Variants in PCDH17 observed in about 807,000 individuals in gnomAD.
PCDH17 encodes the protein protocadherin 17, also known as protocadherin-17.
In PCDH17, 21 loss-of-function variants were observed where a neutral mutation model predicts 67.7. The observed-to-expected ratio is 0.31, with a 90% CI of 0.22 to 0.45. The LOEUF (loss-of-function observed/expected upper bound fraction) is 0.45, where lower values mean the gene tolerates loss of function less well. Ranked by LOEUF, PCDH17 falls within the 20% of genes least tolerant of loss-of-function variation. The probability of loss-of-function intolerance (pLI) is 1.00; values close to 1 mark genes in which losing one functional copy is unlikely to be tolerated. For missense variants in PCDH17, 1,471 were observed against 1,564.8 expected (o/e 0.94, Z 1.01); for synonymous variants, 701 against 656.7 (o/e 1.07, Z -1.03).
At chr13:57,674,517 G>C (rs1469364463) in intron 3 of PCDH17, among the ~76,000 whole-genome samples, 1 of 151,786 alleles carries the variant, frequency 6.6e-6, no homozygotes, top group East Asian at 2.0e-4. Context: ...TATAGGTATG[G>C]GGTCTTGTTT....
At chr13:57,646,613 G>A (rs1259471558) in intron 1 of PCDH17, among the ~76,000 whole-genome samples, 2 of 151,634 alleles carry the variant, frequency 1.3e-5, no homozygotes, top group Non-Finnish European at 3.0e-5. Flanking sequence ...CCATTAGTCA[G>A]AGTAGCTGAA....
At chr13:57,701,063 G>A (rs569044852) in intron 3 of PCDH17, among the ~76,000 whole-genome samples, 1 of 152,050 alleles carries the variant, frequency 6.6e-6, no homozygotes, top group East Asian at 1.9e-4. Context: ...CATTTTTTGA[G>A]TATCAATAAG....
At chr13:57,719,033 C>T (rs1249862746) in intron 3 of PCDH17, among the ~76,000 whole-genome samples, 1 of 151,938 alleles carries the variant, frequency 6.6e-6, no homozygotes, top group Non-Finnish European at 1.5e-5. Context: ...ATCTACAGAA[C>T]ACTTGTGCAG....
chr13:57,714,924 A>C (rs148623388), intron 3 of PCDH17, among the ~76,000 whole-genome samples: 3 of 151,760 alleles, frequency 2.0e-5, no homozygotes, highest in African/African-American at 7.2e-5. Context: ...AGTTTTCAGG[A>C]TACTCACTGT....
intron 3 of PCDH17, among the ~76,000 whole-genome samples, chr13:57,717,553 C>T (rs1447722058): frequency 6.6e-6 from 1 of 151,940 alleles, no homozygotes; most frequent in Non-Finnish European, 1.5e-5. Context: ...CTCCAAACAG[C>T]TCCAAATACC....
chr13:57,703,403 A>T (rs1955687359), intron 3 of PCDH17, among the ~76,000 whole-genome samples: 1 of 152,126 alleles, frequency 6.6e-6, no homozygotes, highest in African/African-American at 2.4e-5. Context: ...AAATCTAGGG[A>T]TGCAAGAAAG....
intron 3 of PCDH17, among the ~76,000 whole-genome samples, chr13:57,710,011 T>A (rs1263296639): frequency 6.6e-6 from 1 of 151,962 alleles, no homozygotes. Flanking sequence ...TTGTTATTCT[T>A]AAGTGAGTTT....
intron 3 of PCDH17, among the ~76,000 whole-genome samples, chr13:57,704,611 TGGGCA>T (rs1955701106): frequency 6.6e-6 from 1 of 150,438 alleles, no homozygotes; most frequent in African/African-American, 2.4e-5. Context: ...ACCTAAGATG[TGGGCA>T]CAGTAATTGG....
intron 1 of PCDH17, among the ~76,000 whole-genome samples, chr13:57,640,366 T>C (rs1163992755): frequency 6.6e-6 from 1 of 152,056 alleles, no homozygotes; most frequent in Admixed American, 6.6e-5. Flanking sequence ...ATACAAATAA[T>C]TTTTTGGTAA....
chr13:57,719,489 GA>G (rs1199736033), intron 3 of PCDH17, among the ~76,000 whole-genome samples: 1 of 151,978 alleles, frequency 6.6e-6, no homozygotes, highest in African/African-American at 2.4e-5. Context: ...ATGCAGATAG[GA>G]AACTCCTGTG....
In PCDH17 at chr13:57,633,749, G is replaced by A. The variant is rs45500496; in HGVS notation, c.1203G>A (p.Gly401=). ...VLGGGGTGGG[G]GLGGPGGSVP... is the part of the protein sequence containing the mutation. The stretch of plus-strand genomic sequence containing the variant: ...GCGGAGGAGGGACGGGCGGCGGCGG[G>A]GGCCTGGGCGGGCCCGGGGGTTCCG... Residue 401 remains glycine, a synonymous_variant, in exon 1 of 4, where the codon GGG becomes GGA. Transcript: ENST00000377918. This position sits in a 1 kb window ranked among gnomAD's most constrained non-coding sequence, Gnocchi z 6.2. The A allele has an allele frequency of 2.2e-5, 35 of 1,587,250 alleles. No homozygotes were observed. The Admixed American group carries it at 4.5e-4, about 20-fold the overall frequency.
intron 3 of PCDH17, among the ~76,000 whole-genome samples, chr13:57,717,626 C>A (rs1464944920): frequency 6.6e-6 from 1 of 151,952 alleles, no homozygotes; most frequent in Non-Finnish European, 1.5e-5. Flanking sequence ...CTGAATGCAG[C>A]CGTGGCAATA....
intron 3 of PCDH17, among the ~76,000 whole-genome samples, chr13:57,713,454 G>A (rs1014372101): frequency 2.0e-5 from 3 of 151,480 alleles, no homozygotes; most frequent in Non-Finnish European, 3.0e-5. Flanking sequence ...ATTTGAAATG[G>A]CAGTTATCAT....
Position 57,634,622 on chromosome 13 carries a change from A to G in PCDH17, c.2076A>G (p.Val692=). ...TGAGCGGATCCCTTCCCGAGGGGGT[A>G]CCACGGGTGAATGGCGAGCAGCACC... ...RSVSGSLPEG[V]PRVNGEQHHW... The change falls in exon 1 of 4, where the codon GTA becomes GTG. Residue 692 remains valine (V), a synonymous_variant. Transcript: ENST00000377918. The surrounding 1 kb of genome is among the most constrained non-coding windows in gnomAD (Gnocchi z 7.8). 2 of 1,613,414 alleles carry G rather than the reference A, an allele frequency of 1.2e-6. No homozygotes were observed. The highest frequency in any genetic ancestry group is 1.3e-5 in the African/African-American group (1 of 74,996).
chr13:57,669,040 T>C (rs1449138225), intron 3 of PCDH17, among the ~76,000 whole-genome samples: 2 of 151,988 alleles, frequency 1.3e-5, no homozygotes, highest in African/African-American at 4.8e-5. Context: ...CCTTCCTGTG[T>C]CCCAGTGTTC....
chr13:57,706,555 A>T (rs1955723454), intron 3 of PCDH17, among the ~76,000 whole-genome samples: 1 of 152,168 alleles, frequency 6.6e-6, no homozygotes, highest in Admixed American at 6.6e-5. Context: ...TCTGGAGACT[A>T]GAAGTACAAA....
At chr13:57,675,911 G>A (rs1354823519) in intron 3 of PCDH17, among the ~76,000 whole-genome samples, 2 of 151,874 alleles carry the variant, frequency 1.3e-5, no homozygotes, top group East Asian at 3.9e-4. Context: ...ATGAGGCCCA[G>A]AGTAGTGAAG....
intron 3 of PCDH17, among the ~76,000 whole-genome samples, chr13:57,719,739 A>T (rs1049056793): frequency 6.6e-6 from 1 of 152,034 alleles, no homozygotes; most frequent in Non-Finnish European, 1.5e-5. Flanking sequence ...CTCCAAAGTA[A>T]GACTTTTTTG....
chr13:57,673,952 C>G (rs989452318), intron 3 of PCDH17, among the ~76,000 whole-genome samples: 3 of 151,880 alleles, frequency 2.0e-5, no homozygotes, highest in Non-Finnish European at 4.4e-5. Context: ...TTTTGCTTAC[C>G]AAAGTTTGCA....
Sources: allele counts gnomAD v4.1 joint callset (sites outside exome capture counted in the v4.1 genomes callset), GRCh38; gene constraint gnomAD v4.1.1; non-coding constraint Gnocchi (gnomAD v3.1); transcripts MANE v1.5; gene names NCBI Gene and HGNC (gene_info 2026-07-23, HGNC 2026-07-21).